Variants in KIF16B observed in about 807,000 individuals in gnomAD.
KIF16B encodes the protein kinesin family member 16B, also known as kinesin-like protein KIF16B.
Under a neutral mutation model 156.3 loss-of-function variants are expected in KIF16B, and 98 were observed. That is an observed-to-expected ratio of 0.63 (90% CI 0.53 to 0.74). KIF16B has a LOEUF of 0.74. Among genes scored for constraint, KIF16B ranks in the 30% least tolerant of loss-of-function variants. The pLI, the probability that KIF16B is intolerant of heterozygous loss-of-function variation, is 0.00. For synonymous variants in KIF16B, 564 were observed against 583.7 expected (o/e 0.97, Z 0.49); for missense variants, 1,421 against 1,606.5 (o/e 0.88, Z 1.97).
At chr20:16,555,838 C>A (rs182328406) in intron 1 of KIF16B, among the ~76,000 whole-genome samples, 106 of 152,250 alleles carry the variant, frequency 7.0e-4, no homozygotes, top group African/African-American at 2.4e-3. Flanking sequence ...AAATCAAAGA[C>A]AATCAAATCA....
At chr20:16,409,701 C>T (rs1600317417) in intron 15 of KIF16B, among the ~76,000 whole-genome samples, 1 of 151,392 alleles carries the variant, frequency 6.6e-6, no homozygotes, top group East Asian at 2.0e-4. Flanking sequence ...TGATGATGGG[C>T]TAGACACAAA....
intron 15 of KIF16B, among the ~76,000 whole-genome samples, chr20:16,418,597 G>A (rs2066148680): frequency 6.6e-6 from 1 of 152,134 alleles, no homozygotes; most frequent in Admixed American, 6.5e-5. Flanking sequence ...CATCGACCAT[G>A]GAGTGGTTCT....
intron 17 of KIF16B, among the ~76,000 whole-genome samples, chr20:16,404,514 C>G (rs2065732793): frequency 6.6e-6 from 1 of 152,132 alleles, no homozygotes; most frequent in Non-Finnish European, 1.5e-5. Context: ...AGTGCCAACT[C>G]TAAAATATTA....
intron 17 of KIF16B, among the ~76,000 whole-genome samples, chr20:16,394,060 T>A (rs1198438373): frequency 6.6e-6 from 1 of 152,236 alleles, no homozygotes; most frequent in African/African-American, 2.4e-5. Context: ...TGCTACCATG[T>A]AGGACTAGGA....
intron 25 of KIF16B, among the ~76,000 whole-genome samples, chr20:16,286,893 G>A (rs2063230416): frequency 6.6e-6 from 1 of 152,198 alleles, no homozygotes; most frequent in Non-Finnish European, 1.5e-5. Flanking sequence ...CCAATAGAAT[G>A]CACTGGCACT....
intron 12 of KIF16B, among the ~76,000 whole-genome samples, chr20:16,447,161 A>ATTCACC (rs2066955671): frequency 6.6e-6 from 1 of 152,140 alleles, no homozygotes; most frequent in Non-Finnish European, 1.5e-5. Context: ...TTCACCTTAG[A>ATTCACC]TGTGGGCCAC....
chr20:16,381,577 T>A (rs1600250497), intron 18 of KIF16B, 117 bp downstream of exon 18: 1 of 592,972 alleles, frequency 1.7e-6, no homozygotes, highest in Non-Finnish European at 2.7e-6. Context: ...AAATAACAGA[T>A]AACAGACACA....
chr20:16,437,941 T>C (rs1488018901), intron 12 of KIF16B, among the ~76,000 whole-genome samples: 2 of 148,490 alleles, frequency 1.3e-5, no homozygotes, highest in East Asian at 2.0e-4. Flanking sequence ...AAGGCTAGCC[T>C]GGAAAACAGG....
At chr20:16,489,560 G>A (rs145795429) in intron 12 of KIF16B, among the ~76,000 whole-genome samples, 2,244 of 152,174 alleles carry the variant, frequency 0.015, 59 homozygotes, top group African/African-American at 0.052. Context: ...AGTCAGGCAT[G>A]GTGGCACATG....
At chr20:16,433,887 C>T (rs1027861960) in intron 12 of KIF16B, among the ~76,000 whole-genome samples, 4 of 152,128 alleles carry the variant, frequency 2.6e-5, no homozygotes, top group African/African-American at 9.7e-5. Flanking sequence ...GTGGCATCTA[C>T]TGTTATACAT....
intron 21 of KIF16B, 59 bp downstream of exon 21, chr20:16,371,606 A>T: frequency 6.6e-6 from 7 of 1,052,966 alleles, no homozygotes; most frequent in Non-Finnish European, 9.9e-6. Context: ...AAAAAAAAAA[A>T]GGAAAAAAGA....
intron 1 of KIF16B, among the ~76,000 whole-genome samples, chr20:16,563,920 C>T (rs1191808539): frequency 6.6e-6 from 1 of 152,100 alleles, no homozygotes; most frequent in Non-Finnish European, 1.5e-5. Context: ...AACTTCCATG[C>T]GCTCCCAACT....
chr20:16,291,996 GA>G (rs2063321450), intron 25 of KIF16B, among the ~76,000 whole-genome samples: 1 of 152,088 alleles, frequency 6.6e-6, no homozygotes, highest in Non-Finnish European at 1.5e-5. Flanking sequence ...AATCCACTGA[GA>G]AAAAGGCAAT....
At chr20:16,486,700 G>A (rs1033396080) in intron 12 of KIF16B, among the ~76,000 whole-genome samples, 4 of 152,014 alleles carry the variant, frequency 2.6e-5, no homozygotes, top group African/African-American at 7.3e-5. Flanking sequence ...ATATATTATC[G>A]TCACATAGCC....
chr20:16,542,275 C>G (rs1330096800), intron 1 of KIF16B, among the ~76,000 whole-genome samples: 2 of 152,154 alleles, frequency 1.3e-5, no homozygotes. Context: ...AAATCCTTAT[C>G]TGGGATGTTG....
At chr20:16,391,698 A>T (rs1275303349) in intron 17 of KIF16B, among the ~76,000 whole-genome samples, 2 of 152,212 alleles carry the variant, frequency 1.3e-5, no homozygotes, top group Non-Finnish European at 2.9e-5. Flanking sequence ...ACATGGTGCC[A>T]GCAGGAGAAG....
chr20:16,508,601 A>G (rs2068860230), intron 6 of KIF16B, among the ~76,000 whole-genome samples: 1 of 152,174 alleles, frequency 6.6e-6, no homozygotes, highest in Non-Finnish European at 1.5e-5. Flanking sequence ...ATCTAATGCC[A>G]CCACTGATCT....
Position 16,571,624 on chromosome 20 carries a change from A to G in KIF16B, c.47+1605T>C, listed in dbSNP as rs116563229. Among the ~76,000 whole-genome samples, 1,365 of 151,620 alleles carry G rather than the reference A, an allele frequency of 9.0e-3. 28 individuals carry two copies. Among genetic ancestry groups the G allele is most frequent in the African/African-American group, 0.032 (1,299 of 41,194 alleles). ...ATGCTATGTGTTTGGTAGGTGCTTA[A>G]CAAATACTTTTTTTTTTTTTTTTGA... On this transcript the variant is annotated intron_variant, in intron 1 of 25. Coordinates refer to ENST00000354981, the MANE Select transcript of KIF16B (RefSeq NM_024704.5).
At chr20:16,545,956 A>G (rs2070390525) in intron 1 of KIF16B, among the ~76,000 whole-genome samples, 1 of 152,198 alleles carries the variant, frequency 6.6e-6, no homozygotes, top group Admixed American at 6.5e-5. Context: ...TTCCTTTTGT[A>G]ACACCACCAG....
Sources: allele counts gnomAD v4.1 joint callset (sites outside exome capture counted in the v4.1 genomes callset), GRCh38; gene constraint gnomAD v4.1.1; transcripts MANE v1.5; gene names NCBI Gene and HGNC (gene_info 2026-07-23, HGNC 2026-07-21).